Variants in TEAD1 observed in about 807,000 individuals in gnomAD.
The protein encoded by TEAD1 is transcriptional enhancer factor TEF-1.
Under a neutral mutation model 54.9 loss-of-function variants are expected in TEAD1, and 9 were observed. That is an observed-to-expected ratio of 0.16 (90% CI 0.10 to 0.29). The LOEUF (loss-of-function observed/expected upper bound fraction) is 0.29. TEAD1 is among the 10% of genes least tolerant of loss of function. TEAD1 has a pLI of 1.00. For synonymous variants in TEAD1, 200 were observed against 187.8 expected, an observed-to-expected ratio of 1.07 and a Z score of -0.53; for missense variants, 387 against 535.9, an observed-to-expected ratio of 0.72 and a Z score of 2.74.
At chr11:12,750,928 C>T (rs1405377830) in intron 2 of TEAD1, among the ~76,000 whole-genome samples, 3 of 152,182 alleles carry the variant, frequency 2.0e-5, no homozygotes, top group African/African-American at 7.2e-5. Flanking sequence ...CATATTCACC[C>T]ATTGACTCAT....
At chr11:12,826,729 G>A (rs1176305321) in intron 3 of TEAD1, among the ~76,000 whole-genome samples, 2 of 152,150 alleles carry the variant, frequency 1.3e-5, no homozygotes, top group African/African-American at 2.4e-5. Flanking sequence ...ATGAAAAAAT[G>A]TGTGTAAATG....
chr11:12,850,793 T>C (rs1442821447), intron 3 of TEAD1, among the ~76,000 whole-genome samples: 1 of 152,248 alleles, frequency 6.6e-6, no homozygotes, highest in Non-Finnish European at 1.5e-5. Context: ...AGCAAACCTT[T>C]TCATTAATAA....
chr11:12,839,818 T>C (rs1005192851), intron 3 of TEAD1, among the ~76,000 whole-genome samples: 1 of 152,108 alleles, frequency 6.6e-6, no homozygotes, highest in Admixed American at 6.6e-5. Context: ...GGGGACTATA[T>C]GATAGAAAGC....
At chr11:12,929,790 A>G (rs1222752872) in intron 11 of TEAD1, among the ~76,000 whole-genome samples, 17 of 152,176 alleles carry the variant, frequency 1.1e-4, no homozygotes, top group Admixed American at 1.1e-3. Context: ...TTGTTAACCT[A>G]TGAGGCTTTA....
At position 12,937,246 on chromosome 11, in the gene TEAD1, T is replaced by C. The variant is rs756934328; in HGVS notation, c.*24T>C. On this transcript the variant is annotated 3_prime_UTR_variant, in exon 13 of 13. Coordinates refer to ENST00000527636, the MANE Select transcript of TEAD1 (RefSeq NM_021961.6). Reference sequence around the variant, plus strand: ...GAACATGGTTATTTATATATATAGATATCTGTATATACACACACACATATG... The same window carrying C: ...GAACATGGTTATTTATATATATAGACATCTGTATATACACACACACATATG... 1.4e-6 allele frequency: 2 copies of C among 1,477,894 alleles called. No individual in the cohort carries two copies. Among genetic ancestry groups the C allele is most frequent in the Admixed American group, 1.7e-5 (1 of 59,724 alleles). 91.5% of individuals were successfully genotyped at this position (1,477,894 alleles called of 1,614,324 possible).
intron 2 of TEAD1, among the ~76,000 whole-genome samples, chr11:12,758,405 G>GTTTTTTTT (rs1200374096): frequency 1.2e-5 from 1 of 85,726 alleles, no homozygotes; most frequent in African/African-American, 5.2e-5. Context: ...CGCCCAGCTA[G>GTTTTTTTT]TTTTTTTTTT....
intron 2 of TEAD1, among the ~76,000 whole-genome samples, chr11:12,690,015 C>T (rs568248333): frequency 2.6e-5 from 4 of 151,916 alleles, no homozygotes; most frequent in East Asian, 1.9e-4. Context: ...CCGAGGTGGG[C>T]GGATCATGAG....
At chr11:12,851,519 C>T (rs953447575) in intron 3 of TEAD1, among the ~76,000 whole-genome samples, 1 of 152,110 alleles carries the variant, frequency 6.6e-6, no homozygotes, top group Non-Finnish European at 1.5e-5. Flanking sequence ...AATGGCTGGG[C>T]GCAGTGGCTC....
At chr11:12,853,582 A>G (rs568647601) in intron 3 of TEAD1, among the ~76,000 whole-genome samples, 31 of 152,302 alleles carry the variant, frequency 2.0e-4, no homozygotes, top group African/African-American at 6.7e-4. Flanking sequence ...CACTAAGAAA[A>G]CTTCATTCAT....
chr11:12,818,161 CTTGAGAG>C (rs1479445012), intron 3 of TEAD1, among the ~76,000 whole-genome samples: 1 of 152,202 alleles, frequency 6.6e-6, no homozygotes, highest in African/African-American at 2.4e-5. Flanking sequence ...GTCCCAAACT[CTTGAGAG>C]AATGGAATTG....
chr11:12,732,454 G>C lies in TEAD1; in HGVS notation c.-54-31725G>C, dbSNP rs541284918. ...TTTTGATTTAACTCTGGGGATGAGG[G>C]CTTGGTGGTGGTGGGTATCACAGTG... On this transcript the variant is annotated intron_variant, in intron 2 of 12. Coordinates refer to ENST00000527636, the MANE Select transcript of TEAD1 (RefSeq NM_021961.6). Among the ~76,000 whole-genome samples the C allele has an allele frequency of 4.5e-4, 69 of 152,298 alleles. No individual in the cohort carries two copies. In the Middle Eastern group the frequency reaches 0.014, roughly 30 times the overall value.
intron 3 of TEAD1, among the ~76,000 whole-genome samples, chr11:12,830,694 A>G (rs1298757039): frequency 2.0e-5 from 3 of 152,132 alleles, no homozygotes; most frequent in Non-Finnish European, 2.9e-5. Context: ...ATATATGTAT[A>G]TACACTAATT....
chr11:12,812,238 A>G (rs1946317910), intron 3 of TEAD1, among the ~76,000 whole-genome samples: 2 of 152,164 alleles, frequency 1.3e-5, no homozygotes, highest in Non-Finnish European at 2.9e-5. Flanking sequence ...CCCTCTTGCC[A>G]CCACTTATTC....
At chr11:12,833,089 T>A (rs1193961020) in intron 3 of TEAD1, among the ~76,000 whole-genome samples, 2 of 152,266 alleles carry the variant, frequency 1.3e-5, no homozygotes, top group Admixed American at 6.5e-5. Flanking sequence ...AGTTAGTTCT[T>A]GTTAATTGAC....
chr11:12,934,181 T>TATAC (rs1474311308), intron 12 of TEAD1, among the ~76,000 whole-genome samples: 1 of 152,194 alleles, frequency 6.6e-6, no homozygotes, highest in Non-Finnish European at 1.5e-5. Flanking sequence ...ATGTGGCACA[T>TATAC]ATACATCATG....
chr11:12,939,155 T>C lies in TEAD1; in HGVS notation c.*1933T>C, dbSNP rs1322978019. ...TGTCCCCATTTGGAATGCCCATTCCTTCTAGAAACCAGTTGGACAGTGCTC... is the reference window on the plus strand; with the variant it reads ...TGTCCCCATTTGGAATGCCCATTCCCTCTAGAAACCAGTTGGACAGTGCTC... On this transcript the variant is annotated 3_prime_UTR_variant, in exon 13 of 13. Transcript: ENST00000527636. The C allele has an allele frequency of 6.6e-6, 1 of 152,238 alleles. No homozygotes were observed. Among genetic ancestry groups the C allele is most frequent in the Non-Finnish European group, 1.5e-5 (1 of 68,072 alleles). The allele number at this position is 152,238 out of a possible 1,614,324, so 9.4% of individuals were successfully genotyped here. A position where few individuals can be genotyped will look rare whatever the true frequency, so the allele number is the denominator to read the frequency against.
At chr11:12,824,293 T>G (rs780606389) in intron 3 of TEAD1, among the ~76,000 whole-genome samples, 66 of 152,176 alleles carry the variant, frequency 4.3e-4, no homozygotes, top group Non-Finnish European at 6.6e-4. Context: ...TCAGCCGTTG[T>G]CTGCAGACTT....
At chr11:12,821,897 A>G (rs1946553526) in intron 3 of TEAD1, among the ~76,000 whole-genome samples, 1 of 148,058 alleles carries the variant, frequency 6.8e-6, no homozygotes, top group Non-Finnish European at 1.5e-5. Flanking sequence ...CCTCTGCCTT[A>G]GATCTTCTCC....
intron 9 of TEAD1, among the ~76,000 whole-genome samples, chr11:12,887,806 A>G (rs976087926): frequency 3.3e-5 from 5 of 152,230 alleles, no homozygotes; most frequent in Admixed American, 1.3e-4. Context: ...AGTACTTAAA[A>G]TATAACATCC....
Sources: allele counts gnomAD v4.1 joint callset (sites outside exome capture counted in the v4.1 genomes callset), GRCh38; gene constraint gnomAD v4.1.1; transcripts MANE v1.5; gene names NCBI Gene and HGNC (gene_info 2026-07-23, HGNC 2026-07-21).